The following NEDD4 variants were observed in gnomAD, a reference collection of about 807,000 sequenced individuals.
The protein encoded by NEDD4 is E3 ubiquitin-protein ligase NEDD4.
NEDD4 carries 99 observed loss-of-function variants against 144.9 expected under a neutral mutation model. The observed-to-expected ratio is 0.68, with a 90% confidence interval of 0.58 to 0.81. The LOEUF (loss-of-function observed/expected upper bound fraction) is 0.81, where lower values mean the gene tolerates loss of function less well. Ranked by LOEUF, NEDD4 falls within the 30% of genes least tolerant of loss-of-function variation. The probability of loss-of-function intolerance (pLI) is 0.00; values close to 1 mark genes in which losing one functional copy is unlikely to be tolerated. For missense variants in NEDD4, 985 were observed against 1,065.9 expected, an observed-to-expected ratio of 0.92 and a Z score of 1.06; for synonymous variants, 318 against 350.6, an observed-to-expected ratio of 0.91 and a Z score of 1.04.
At chr15:55,894,202 G>C (rs2035665174) in intron 5 of NEDD4, among the ~76,000 whole-genome samples, 1 of 151,976 alleles carries the variant, frequency 6.6e-6, no homozygotes, top group South Asian at 2.1e-4. Context: ...TCTATCGGTG[G>C]ATTCAATCAA....
intron 1 of NEDD4, among the ~76,000 whole-genome samples, chr15:55,978,400 T>C (rs750439811): frequency 6.6e-6 from 1 of 152,252 alleles, no homozygotes; most frequent in Non-Finnish European, 1.5e-5. Context: ...CATTTTATGA[T>C]TTTATTCTAG....
chr15:55,935,928 G>A (rs1000698719), intron 4 of NEDD4, among the ~76,000 whole-genome samples: 1 of 150,780 alleles, frequency 6.6e-6, no homozygotes, highest in Non-Finnish European at 1.5e-5. Context: ...TGGAACTGCT[G>A]TAAGTATCTG....
chr15:55,929,482 C>A (rs931805479), intron 4 of NEDD4, among the ~76,000 whole-genome samples: 17 of 151,966 alleles, frequency 1.1e-4, no homozygotes, highest in African/African-American at 3.9e-4. Context: ...CCTCACCCTC[C>A]TCCTCTCCTC....
At chr15:55,951,727 T>A in intron 2 of NEDD4, 138 bp from the exon 3 acceptor site, 1 of 656,170 alleles carries the variant, frequency 1.5e-6, no homozygotes, top group Non-Finnish European at 2.3e-6. Context: ...AAGTCAGGAT[T>A]CTTAGGCAGG....
chr15:55,889,968 G>A (rs564937633), intron 5 of NEDD4, among the ~76,000 whole-genome samples: 6 of 152,184 alleles, frequency 3.9e-5, no homozygotes, highest in South Asian at 2.1e-4. Context: ...CTCCCAAAGC[G>A]CTAGGATTAC....
intron 2 of NEDD4, among the ~76,000 whole-genome samples, chr15:55,957,019 T>A (rs1282388880): frequency 1.3e-5 from 2 of 152,220 alleles, no homozygotes; most frequent in Non-Finnish European, 2.9e-5. Context: ...AAATCTTTTG[T>A]TGTATTTATT....
chr15:55,955,336 C>A (rs1230488372), intron 2 of NEDD4, among the ~76,000 whole-genome samples: 11 of 152,046 alleles, frequency 7.2e-5, no homozygotes, highest in African/African-American at 2.4e-4. Context: ...GGCAGCTCTA[C>A]CCTCTTAAAT....
At chr15:55,903,039 C>T (rs1446202342) in intron 5 of NEDD4, among the ~76,000 whole-genome samples, 1 of 151,836 alleles carries the variant, frequency 6.6e-6, no homozygotes, top group Non-Finnish European at 1.5e-5. Flanking sequence ...GAAATATTTG[C>T]GAGAGAAACT....
chr15:55,953,554 G>C (rs971420860), intron 2 of NEDD4, among the ~76,000 whole-genome samples: 1 of 151,536 alleles, frequency 6.6e-6, no homozygotes, highest in African/African-American at 2.4e-5. Flanking sequence ...CTATTCTCCT[G>C]CCACAGCCTC....
rs537895965 is a variant in NEDD4, at chr15:55,845,605, C to G, written c.1608+1364G>C. ...CCTGGAAGACATTAATAATTAGATA[C>G]TACAACATGTTTCAACCACTCAGAG... On this transcript the variant is annotated intron_variant, in intron 18 of 28. Coordinates refer to ENST00000435532, the MANE Select transcript of NEDD4 (RefSeq NM_006154.4). 1.8e-3 allele frequency among the ~76,000 whole-genome samples: 267 copies of G among 151,902 alleles called. 1 individual carries two copies. The highest frequency in any genetic ancestry group is 3.1e-3 in the Non-Finnish European group (213 of 67,968).
chr15:55,884,377 A>G (rs1307113226), intron 5 of NEDD4, among the ~76,000 whole-genome samples: 3 of 152,200 alleles, frequency 2.0e-5, no homozygotes, highest in African/African-American at 7.2e-5. Context: ...TAACTTTTCA[A>G]TGTCCAGACA....
chr15:55,837,246 A>T (rs900414718), intron 24 of NEDD4, among the ~76,000 whole-genome samples: 4 of 152,058 alleles, frequency 2.6e-5, no homozygotes, highest in Admixed American at 2.6e-4. Flanking sequence ...CCCGACCAAC[A>T]TGGTGAAACC....
At chr15:55,838,415 A>T in intron 22 of NEDD4, 94 bp downstream of exon 22, 3 of 896,182 alleles carry the variant, frequency 3.3e-6, no homozygotes, top group Non-Finnish European at 3.5e-6. Context: ...TGAATGTAAA[A>T]ACAGAGCCTA....
intron 5 of NEDD4, among the ~76,000 whole-genome samples, chr15:55,918,244 T>C (rs2036501343): frequency 6.6e-6 from 1 of 152,186 alleles, no homozygotes; most frequent in African/African-American, 2.4e-5. Flanking sequence ...ATATATATTT[T>C]TTCTGCTTTG....
intron 5 of NEDD4, among the ~76,000 whole-genome samples, chr15:55,895,567 G>A (rs1566937729): frequency 1.3e-5 from 2 of 152,202 alleles, no homozygotes; most frequent in Non-Finnish European, 2.9e-5. Flanking sequence ...CAAGATTCAG[G>A]CTGAAATTCA....
intron 11 of NEDD4, among the ~76,000 whole-genome samples, chr15:55,860,149 G>T (rs2034343828): frequency 6.6e-6 from 1 of 152,098 alleles, no homozygotes. Context: ...AACCCAACTT[G>T]TTCAATGACA....
intron 24 of NEDD4, among the ~76,000 whole-genome samples, chr15:55,837,148 G>C (rs1482899922): frequency 6.6e-6 from 1 of 152,098 alleles, no homozygotes; most frequent in African/African-American, 2.4e-5. Context: ...GAAGAAAGTA[G>C]GCCGAGCACG....
chr15:55,919,125 T>C (rs1185086898), intron 5 of NEDD4, among the ~76,000 whole-genome samples: 1 of 152,154 alleles, frequency 6.6e-6, no homozygotes, highest in African/African-American at 2.4e-5. Flanking sequence ...CTAACTAGAT[T>C]TTAACTTTCC....
intron 2 of NEDD4, among the ~76,000 whole-genome samples, chr15:55,957,565 G>A (rs1005628494): frequency 3.3e-5 from 5 of 152,030 alleles, no homozygotes; most frequent in African/African-American, 4.8e-5. Context: ...TCAGTGTGGC[G>A]ATTCCTCAAG....
Sources: gnomAD v4.1 joint callset for allele counts (sites outside exome capture counted in the v4.1 genomes callset) on GRCh38, gnomAD v4.1.1 for gene constraint, MANE v1.5 for transcripts, NCBI Gene and HGNC (gene_info 2026-07-23, HGNC 2026-07-21) for gene names.